Variants in NR5A2 observed in about 807,000 individuals in gnomAD.
NR5A2 encodes the protein CYP7A promoter-binding factor.
In NR5A2, 26 loss-of-function variants were observed where a neutral mutation model predicts 62.7. That is an observed-to-expected ratio of 0.41 (90% CI 0.30 to 0.58). The LOEUF is 0.58. Among genes scored for constraint, NR5A2 ranks in the 20% least tolerant of loss-of-function variants. The pLI is 0.22. For synonymous variants in NR5A2, 246 were observed against 241.7 expected (o/e 1.02, Z -0.16); for missense variants, 541 against 669.1 (o/e 0.81, Z 2.11).
At chr1:200,053,207 G>A (rs578057646) in intron 5 of NR5A2, among the ~76,000 whole-genome samples, 1 of 152,250 alleles carries the variant, frequency 6.6e-6, no homozygotes, top group South Asian at 2.1e-4. Flanking sequence ...AGGGCTAGAG[G>A]ACACATATAA....
intron 5 of NR5A2, among the ~76,000 whole-genome samples, chr1:200,110,342 A>G (rs1665884121): frequency 6.6e-6 from 1 of 152,228 alleles, no homozygotes; most frequent in Admixed American, 6.5e-5. Context: ...AGCTATAGAA[A>G]TGGATAAATA....
At position 200,128,221 on chromosome 1, in the gene NR5A2, G is replaced by A. The variant is rs142390815; in HGVS notation, c.1378+7266G>A. ...TTGGTCCTCCATACAGGCAGGTTTCGTATCTGTGAATACTGTGTTCTTATC... is the reference window on the plus strand; with the variant it reads ...TTGGTCCTCCATACAGGCAGGTTTCATATCTGTGAATACTGTGTTCTTATC... On this transcript the variant is annotated intron_variant, in intron 7 of 7. Coordinates refer to ENST00000367362, the MANE Select transcript of NR5A2 (RefSeq NM_205860.3). Among the ~76,000 whole-genome samples the A allele has an allele frequency of 6.6e-5, 10 of 152,252 alleles. No individual in the cohort carries two copies. In the East Asian group the frequency reaches 1.4e-3, roughly 21 times the overall value.
intron 1 of NR5A2, among the ~76,000 whole-genome samples, chr1:200,034,783 C>CT (rs767393832): frequency 0.048 from 3,384 of 71,068 alleles, 181 homozygotes; most frequent in Non-Finnish European, 0.053. Context: ...AGCAGAAAGG[C>CT]TTTTTTTTTT....
chr1:200,075,886 G>GTTTTCTTTTCTTTTC (rs71132656), intron 5 of NR5A2, among the ~76,000 whole-genome samples: 57,997 of 150,078 alleles, frequency 0.39, 11,221 homozygotes, highest in South Asian at 0.46. Context: ...AAGCTCTTCT[G>GTTTTCTTTTCTTTTC]TTTTCTTTTC....
At chr1:200,098,283 A>G (rs189920811) in intron 5 of NR5A2, among the ~76,000 whole-genome samples, 1 of 152,308 alleles carries the variant, frequency 6.6e-6, no homozygotes, top group African/African-American at 2.4e-5. Context: ...AGGAGTGTCT[A>G]TCTAGATTTT....
rs1662489306 is a variant in NR5A2, at chr1:200,048,612, C to T, written c.904C>T (p.Pro302Ser). The T allele has an allele frequency of 6.2e-7, 1 of 1,614,174 alleles. No individual in the cohort carries two copies. Among genetic ancestry groups the T allele is most frequent in the South Asian group, 1.1e-5 (1 of 91,086 alleles). Residue 302 changes from proline (P) to serine (S), a missense_variant, in exon 5 of 8, where the codon CCA becomes TCA. Physicochemically the swap from Pro to Ser is moderately conservative, Grantham distance 74. Around this residue, in one of 3 missense-constraint regions of NR5A2, gnomAD observed 379 missense variants for 442.0 expected, o/e 0.86. Coordinates refer to ENST00000367362, the MANE Select transcript of NR5A2 (RefSeq NM_205860.3). This position sits in a 1 kb window ranked among gnomAD's most constrained non-coding sequence, Gnocchi z 4.8. ...CCAGACGAGCTCTCCAGCAAGCATCCCACATCTGATACTGGAACTTTTGAA... is the reference window on the plus strand; with the variant it reads ...CCAGACGAGCTCTCCAGCAAGCATCTCACATCTGATACTGGAACTTTTGAA... Reference protein sequence around the residue: ...SYQTSSPASIPHLILELLKCE... With the variant: ...SYQTSSPASISHLILELLKCE...
intron 5 of NR5A2, among the ~76,000 whole-genome samples, chr1:200,067,038 C>T (rs543509234): frequency 6.6e-6 from 1 of 152,308 alleles, no homozygotes; most frequent in African/African-American, 2.4e-5. Flanking sequence ...TGATGACTTG[C>T]TGAATTGCAG....
chr1:200,066,503 G>A (rs1319670006), intron 5 of NR5A2, among the ~76,000 whole-genome samples: 4 of 151,660 alleles, frequency 2.6e-5, no homozygotes, highest in Non-Finnish European at 2.9e-5. Context: ...ACCACTCCAC[G>A]CAGATATAAA....
In NR5A2 at chr1:200,177,008, A is replaced by G. The variant is rs1355715785; in HGVS notation, c.*2798A>G. ...AGGAGCTGATAAGCAAGAAAGCGTCACAGCCAGCGTCTGTTCACCCAAGGT... is the reference window on the plus strand; with the variant it reads ...AGGAGCTGATAAGCAAGAAAGCGTCGCAGCCAGCGTCTGTTCACCCAAGGT... On this transcript the variant is annotated 3_prime_UTR_variant, in exon 8 of 8. Transcript: ENST00000367362. 6.6e-6 allele frequency: 1 copy of G among 152,260 alleles called. No homozygotes were observed. 9.4% of individuals were successfully genotyped at this position (152,260 alleles called of 1,614,324 possible). A position where few individuals can be genotyped will look rare whatever the true frequency, so the allele number is the denominator to read the frequency against.
chr1:200,172,734 T>C (rs1435049587), intron 7 of NR5A2, among the ~76,000 whole-genome samples: 1 of 152,244 alleles, frequency 6.6e-6, no homozygotes, highest in African/African-American at 2.4e-5. Context: ...TGTACACATA[T>C]GTAGGTTAAG....
chr1:200,058,410 T>C (rs1663025318), intron 5 of NR5A2: 1 of 152,186 alleles, frequency 6.6e-6, no homozygotes. Flanking sequence ...AGGACTTGTA[T>C]TATTTTTTAC....
intron 5 of NR5A2, among the ~76,000 whole-genome samples, chr1:200,104,261 GCT>G (rs1665539256): frequency 6.6e-6 from 1 of 152,162 alleles, no homozygotes; most frequent in Admixed American, 6.5e-5. Context: ...CGTTTTACTG[GCT>G]CTTAGTTCTC....
chr1:200,134,864 G>A (rs1188707313), intron 7 of NR5A2, among the ~76,000 whole-genome samples: 4 of 152,092 alleles, frequency 2.6e-5, no homozygotes, highest in Non-Finnish European at 4.4e-5. Context: ...CACACACATT[G>A]CAACTGTTAC....
chr1:200,039,587 T>TG lies in NR5A2; in HGVS notation c.65-68dup. The TG allele has an allele frequency of 2.5e-6, 4 of 1,595,136 alleles. No individual in the cohort carries two copies. The highest frequency in any genetic ancestry group is 3.4e-6 in the Non-Finnish European group (4 of 1,170,606). On this transcript the variant is annotated intron_variant, in intron 1 of 7. Coordinates refer to ENST00000367362, the MANE Select transcript of NR5A2 (RefSeq NM_205860.3). The surrounding 1 kb of genome is among the most constrained non-coding windows in gnomAD (Gnocchi z 5.1). ...GCACGCTCCGGCGAGGCGAGAGGGT[T>TG]GGGTTAGCAGGCATCCCGGTCGCCC...
At chr1:200,132,369 T>G (rs1667004295) in intron 7 of NR5A2, among the ~76,000 whole-genome samples, 1 of 152,150 alleles carries the variant, frequency 6.6e-6, no homozygotes, top group Non-Finnish European at 1.5e-5. Flanking sequence ...CAGAGCTGCA[T>G]TTTGGATCCC....
At chr1:200,083,965 CAAAATAAT>C (rs916935825) in intron 5 of NR5A2, among the ~76,000 whole-genome samples, 3 of 85,170 alleles carry the variant, frequency 3.5e-5, no homozygotes, top group African/African-American at 1.4e-4. Context: ...AACTCCATCT[CAAAATAAT>C]AATAATAATA....
At chr1:200,170,386 A>C (rs1253123370) in intron 7 of NR5A2, among the ~76,000 whole-genome samples, 2 of 152,240 alleles carry the variant, frequency 1.3e-5, no homozygotes, top group Non-Finnish European at 2.9e-5. Context: ...AATTTTCATG[A>C]AAAAGTATGC....
intron 7 of NR5A2, among the ~76,000 whole-genome samples, chr1:200,129,958 G>C (rs1055456092): frequency 6.6e-6 from 1 of 152,174 alleles, no homozygotes; most frequent in East Asian, 1.9e-4. Context: ...AGCACTTCTG[G>C]AGAAGCCTGG....
At chr1:200,109,341 G>A (rs1170413942) in intron 5 of NR5A2, among the ~76,000 whole-genome samples, 1 of 152,156 alleles carries the variant, frequency 6.6e-6, no homozygotes, top group Non-Finnish European at 1.5e-5. Flanking sequence ...CCAGTTGGGA[G>A]CCTTCTGTTA....
Sources: allele counts gnomAD v4.1 joint callset (sites outside exome capture counted in the v4.1 genomes callset), GRCh38; gene constraint gnomAD v4.1.1; regional missense constraint gnomAD v4.1.1; non-coding constraint Gnocchi (gnomAD v3.1); transcripts MANE v1.5; gene names NCBI Gene and HGNC (gene_info 2026-07-23, HGNC 2026-07-21).